Variants in CFAP61 observed in about 807,000 individuals in gnomAD.
CFAP61 encodes cilia- and flagella-associated protein 61.
In CFAP61, 107 loss-of-function variants were observed where a neutral mutation model predicts 135.6. The observed-to-expected ratio is 0.79, with a 90% confidence interval of 0.67 to 0.93. The LOEUF is 0.93. CFAP61 is among the 40% of genes least tolerant of loss of function. The pLI is 0.00. For missense variants in CFAP61, 1,507 were observed against 1,556.2 expected, an observed-to-expected ratio of 0.97 and a Z score of 0.53; for synonymous variants, 575 against 578.5, an observed-to-expected ratio of 0.99 and a Z score of 0.09.
intron 18 of CFAP61, among the ~76,000 whole-genome samples, chr20:20,229,171 C>T (rs969897837): frequency 6.6e-6 from 1 of 152,146 alleles, no homozygotes; most frequent in African/African-American, 2.4e-5. Context: ...CAGGGATTTC[C>T]AGCATCCCCA....
intron 25 of CFAP61, among the ~76,000 whole-genome samples, chr20:20,317,894 T>C (rs892823133): frequency 2.0e-5 from 3 of 152,200 alleles, no homozygotes; most frequent in Admixed American, 2.0e-4. Flanking sequence ...CTCTGCTCCT[T>C]GGCAGGCTTA....
intron 19 of CFAP61, among the ~76,000 whole-genome samples, chr20:20,248,099 C>T (rs184052315): frequency 2.0e-5 from 3 of 152,124 alleles, no homozygotes; most frequent in Non-Finnish European, 2.9e-5. Flanking sequence ...TGGGTCAGTC[C>T]TTGGCACATA....
intron 26 of CFAP61, among the ~76,000 whole-genome samples, chr20:20,357,135 T>A (rs1432478778): frequency 8.6e-6 from 1 of 116,796 alleles, no homozygotes; most frequent in African/African-American, 3.0e-5. Flanking sequence ...GTAGTCACAC[T>A]GAGGGGAAGT....
At chr20:20,231,721 T>C (rs932704407) in intron 18 of CFAP61, among the ~76,000 whole-genome samples, 1 of 152,172 alleles carries the variant, frequency 6.6e-6, no homozygotes, top group Non-Finnish European at 1.5e-5. Flanking sequence ...GATCAGGAGC[T>C]GGGCAGGGCA....
intron 8 of CFAP61, among the ~76,000 whole-genome samples, chr20:20,099,241 CTGTTTT>C (rs2047828251): frequency 6.6e-6 from 1 of 152,074 alleles, no homozygotes; most frequent in African/African-American, 2.4e-5. Flanking sequence ...TTCAGTGCTT[CTGTTTT>C]TGTCTTTGAC....
intron 18 of CFAP61, among the ~76,000 whole-genome samples, chr20:20,236,717 A>G (rs534613764): frequency 1.3e-5 from 2 of 152,152 alleles, no homozygotes; most frequent in Admixed American, 6.5e-5. Flanking sequence ...TTTGCCCAAA[A>G]CACAAAGCTC....
chr20:20,131,007 TA>T (rs1172386807), intron 8 of CFAP61, among the ~76,000 whole-genome samples: 6 of 151,870 alleles, frequency 4.0e-5, no homozygotes, highest in Admixed American at 2.6e-4. Flanking sequence ...TCCACCTCAA[TA>T]TCAGTTTGCT....
At chr20:20,175,644 A>C (rs1447630319) in intron 13 of CFAP61, among the ~76,000 whole-genome samples, 1 of 152,038 alleles carries the variant, frequency 6.6e-6, no homozygotes, top group Non-Finnish European at 1.5e-5. Flanking sequence ...CTCCTGCCTC[A>C]GCCTCCCGAG....
intron 15 of CFAP61, 48 bp from the exon 16 acceptor site, chr20:20,196,522 G>A (rs772132726): frequency 1.5e-5 from 20 of 1,356,572 alleles, no homozygotes; most frequent in Admixed American, 1.0e-4. Flanking sequence ...AATGCATGCC[G>A]TTTGTTTAAA....
At chr20:20,254,927 G>T (rs2146993672) in intron 20 of CFAP61, among the ~76,000 whole-genome samples, 1 of 152,286 alleles carries the variant, frequency 6.6e-6, no homozygotes, top group East Asian at 1.9e-4. Context: ...GCACGGCTAA[G>T]CATGAGGAGA....
At position 20,196,612 on chromosome 20, in the gene CFAP61, A is replaced by C; in HGVS notation, c.1633A>C (p.Ile545Leu). ...IRSHYNIEDF[I>L]YFSHHQREEH... ...GTCCCATTACAACATTGAAGATTTC[A>C]TCTACTTCAGTCACCACCAGCGCGA... The change falls in exon 16 of 27, where the codon ATC (isoleucine) becomes CTC (leucine). Residue 545 changes from isoleucine to leucine, a missense_variant. Transcript: ENST00000245957. 6.2e-7 allele frequency: 1 copy of C among 1,614,132 alleles called. No individual in the cohort carries two copies. Among genetic ancestry groups the C allele is most frequent in the Non-Finnish European group, 8.5e-7 (1 of 1,180,000 alleles).
chr20:20,120,569 A>G (rs1169008867), intron 8 of CFAP61, among the ~76,000 whole-genome samples: 2 of 152,186 alleles, frequency 1.3e-5, no homozygotes, highest in Non-Finnish European at 2.9e-5. Context: ...ATTCTGGAGA[A>G]TGTTTCATGT....
At chr20:20,321,696 G>A (rs1411299012) in intron 25 of CFAP61, among the ~76,000 whole-genome samples, 6 of 152,180 alleles carry the variant, frequency 3.9e-5, no homozygotes, top group Non-Finnish European at 7.3e-5. Flanking sequence ...AAAACCCATA[G>A]AAATTATCCA....
chr20:20,246,947 C>T (rs1003407684), intron 19 of CFAP61, among the ~76,000 whole-genome samples: 1 of 152,140 alleles, frequency 6.6e-6, no homozygotes, highest in African/African-American at 2.4e-5. Flanking sequence ...GCCAGCAGAA[C>T]GGGTTCGTTT....
intron 2 of CFAP61, among the ~76,000 whole-genome samples, chr20:20,065,874 A>G (rs1002787037): frequency 6.6e-6 from 1 of 152,158 alleles, no homozygotes; most frequent in Non-Finnish European, 1.5e-5. Context: ...GGATGTGAGG[A>G]AACTCTGAGG....
chr20:20,311,788 A>G (rs1216619708), intron 25 of CFAP61, among the ~76,000 whole-genome samples: 1 of 152,174 alleles, frequency 6.6e-6, no homozygotes, highest in African/African-American at 2.4e-5. Context: ...TGCCCAAGAC[A>G]GGGGAAAGAA....
intron 24 of CFAP61, among the ~76,000 whole-genome samples, chr20:20,295,992 T>TC (rs2055399975): frequency 1.2e-5 from 1 of 86,778 alleles, no homozygotes; most frequent in Non-Finnish European, 2.6e-5. Context: ...CATGCTTCCC[T>TC]CCTTCCTTCC....
chr20:20,258,907 G>T (rs2051905801), intron 20 of CFAP61, among the ~76,000 whole-genome samples: 2 of 152,188 alleles, frequency 1.3e-5, no homozygotes, highest in African/African-American at 4.8e-5. Context: ...TTTGCCCAGG[G>T]TCAGTTAGTA....
chr20:20,081,301 C>T (rs1254110109), intron 6 of CFAP61, among the ~76,000 whole-genome samples: 1 of 152,138 alleles, frequency 6.6e-6, no homozygotes, highest in African/African-American at 2.4e-5. Context: ...AAGTTTTAGT[C>T]AGGATACCCG....
Sources: gnomAD v4.1 joint callset for allele counts (sites outside exome capture counted in the v4.1 genomes callset) on GRCh38, gnomAD v4.1.1 for gene constraint, MANE v1.5 for transcripts, NCBI Gene and HGNC (gene_info 2026-07-23, HGNC 2026-07-21) for gene names.